The following RSPH14 variants were observed in gnomAD, a reference collection of about 807,000 sequenced individuals.
RSPH14 encodes rhabdoid tumor deletion region gene 1.
Under a neutral mutation model 26.7 loss-of-function variants are expected in RSPH14, and 20 were observed. The observed-to-expected ratio is 0.75, with a 90% CI of 0.53 to 1.09. The LOEUF (loss-of-function observed/expected upper bound fraction) is 1.09. Among genes scored for constraint, RSPH14 ranks in the 50% least tolerant of loss-of-function variants. The pLI, the probability that RSPH14 is intolerant of heterozygous loss-of-function variation, is 0.00. For synonymous variants in RSPH14, 177 were observed against 189.3 expected, an observed-to-expected ratio of 0.93 and a Z score of 0.53; for missense variants, 449 against 457.2, an observed-to-expected ratio of 0.98 and a Z score of 0.16.
At chr22:23,144,701 A>G (rs1025880671), upstream of RSPH14, among the ~76,000 whole-genome samples, 1 of 152,064 alleles carries the variant, frequency 6.6e-6, no homozygotes, top group Non-Finnish European at 1.5e-5. Context: ...AAAAAAAAAA[A>G]AAAAGACATC....
chr22:23,061,759 CT>C lies in RSPH14; in HGVS notation c.790+49del. On this transcript the variant is annotated intron_variant, in intron 6 of 6. Transcript: ENST00000216036. ...CCTGAGTACAGAAAGCTCATCACGG[CT>C]GCTAGCCTGCTAGGGTCTCCCTCCC... The C allele has an allele frequency of 5.0e-6, 8 of 1,608,398 alleles. No individual in the cohort carries two copies. In the African/African-American group the frequency reaches 1.1e-4, roughly 22 times the overall value.
At chr22:23,160,201 C>G in the RSPH14 span, among the ~76,000 whole-genome samples, 1 of 152,308 alleles carries the variant, frequency 6.6e-6, no homozygotes, top group South Asian at 2.1e-4. Context: ...CAGCCCAGCG[C>G]AAACAACTGG....
chr22:23,166,366 G>A, the RSPH14 span, among the ~76,000 whole-genome samples: 1 of 143,012 alleles, frequency 7.0e-6, no homozygotes, highest in Non-Finnish European at 1.5e-5. Context: ...ATATGGGGGG[G>A]TGGGGTGCAA....
intron 5 of RSPH14, among the ~76,000 whole-genome samples, chr22:23,063,500 C>T (rs1037384832): frequency 6.6e-6 from 1 of 152,306 alleles, no homozygotes; most frequent in East Asian, 1.9e-4. Flanking sequence ...GACACTGCCT[C>T]CTTTTCTCAC....
At chr22:23,153,367 C>G in the RSPH14 span, among the ~76,000 whole-genome samples, 1 of 152,164 alleles carries the variant, frequency 6.6e-6, no homozygotes, top group Non-Finnish European at 1.5e-5. Flanking sequence ...CACAGCCTGA[C>G]CTGCCCACCT....
chr22:23,097,226 C>CT (rs2069150867), intron 4 of RSPH14, among the ~76,000 whole-genome samples: 1 of 152,116 alleles, frequency 6.6e-6, no homozygotes, highest in African/African-American at 2.4e-5. Flanking sequence ...TACCCTGGGG[C>CT]TAGGGGAGGG....
chr22:23,158,641 G>A, the RSPH14 span, among the ~76,000 whole-genome samples: 34 of 152,248 alleles, frequency 2.2e-4, no homozygotes, highest in Non-Finnish European at 4.0e-4. Context: ...AGGTCTCACC[G>A]GGAGAGGCCA....
intron 2 of RSPH14, 76 bp from the exon 3 acceptor site, chr22:23,139,018 C>T: frequency 8.4e-7 from 1 of 1,183,532 alleles, no homozygotes; most frequent in Non-Finnish European, 1.2e-6. Context: ...ACCCAGAAGT[C>T]AATAAGTGGG....
intron 4 of RSPH14, among the ~76,000 whole-genome samples, chr22:23,072,176 A>AC (rs1448494745): frequency 6.6e-6 from 1 of 151,968 alleles, no homozygotes; most frequent in African/African-American, 2.4e-5. Context: ...CACCCAGGCA[A>AC]CCCCCTTGTT....
chr22:23,115,578 A>C (rs2069805571), intron 4 of RSPH14, among the ~76,000 whole-genome samples: 1 of 152,116 alleles, frequency 6.6e-6, no homozygotes, highest in South Asian at 2.1e-4. Context: ...TTCCTAGAAC[A>C]GGAAGGTGGG....
At chr22:23,121,417 G>T (rs77067192) in intron 4 of RSPH14, among the ~76,000 whole-genome samples, 4,715 of 152,236 alleles carry the variant, frequency 0.031, 252 homozygotes, top group African/African-American at 0.11. Flanking sequence ...CATCCTCCTG[G>T]GCACCCCTGC....
intron 4 of RSPH14, among the ~76,000 whole-genome samples, chr22:23,088,403 G>A (rs540234255): frequency 5.3e-5 from 8 of 152,172 alleles, no homozygotes; most frequent in African/African-American, 9.7e-5. Flanking sequence ...GTCACTGCGC[G>A]GGCCTCCTCC....
At chr22:23,168,246 T>A in the RSPH14 span, among the ~76,000 whole-genome samples, 1 of 152,146 alleles carries the variant, frequency 6.6e-6, no homozygotes, top group Non-Finnish European at 1.5e-5. Flanking sequence ...CAGGCAGGGC[T>A]AGACTGGGAG....
At chr22:23,149,348 C>T (rs2070974122), upstream of RSPH14, among the ~76,000 whole-genome samples, 2 of 152,234 alleles carry the variant, frequency 1.3e-5, no homozygotes, top group African/African-American at 2.4e-5. Context: ...TGTTTAATCT[C>T]ATTTTTTTCT....
At chr22:23,081,194 A>G (rs1441373312) in intron 4 of RSPH14, among the ~76,000 whole-genome samples, 2 of 152,228 alleles carry the variant, frequency 1.3e-5, no homozygotes, top group Non-Finnish European at 2.9e-5. Flanking sequence ...ATAACAGCCT[A>G]AAGTTCAGAT....
At chr22:23,174,845 G>C in the RSPH14 span, among the ~76,000 whole-genome samples, 1 of 151,914 alleles carries the variant, frequency 6.6e-6, no homozygotes, top group Admixed American at 6.6e-5. Flanking sequence ...GTGCATGCCT[G>C]TAATCCCAGC....
chr22:23,139,481 C>T (rs1252257756), intron 2 of RSPH14, among the ~76,000 whole-genome samples: 1 of 152,156 alleles, frequency 6.6e-6, no homozygotes, highest in East Asian at 1.9e-4. Context: ...ATTAGCCAGG[C>T]ATGATGGCAG....
intron 3 of RSPH14, among the ~76,000 whole-genome samples, chr22:23,137,550 A>C (rs1321625984): frequency 6.6e-6 from 1 of 151,356 alleles, no homozygotes; most frequent in Non-Finnish European, 1.5e-5. Context: ...GGCACACAGG[A>C]GTCAAGTCAC....
chr22:23,165,110 A>G, the RSPH14 span, among the ~76,000 whole-genome samples: 1 of 152,100 alleles, frequency 6.6e-6, no homozygotes, highest in Non-Finnish European at 1.5e-5. Context: ...GTGGAACCCC[A>G]AGAGCCAGGA....
Sources: gnomAD v4.1 joint callset for allele counts (sites outside exome capture counted in the v4.1 genomes callset) on GRCh38, gnomAD v4.1.1 for gene constraint, MANE v1.5 for transcripts, NCBI Gene and HGNC (gene_info 2026-07-23, HGNC 2026-07-21) for gene names.